The following LINGO2 variants were observed in gnomAD, a reference collection of about 807,000 sequenced individuals.
LINGO2 encodes the protein leucine-rich repeat and immunoglobulin-like domain-containing nogo receptor-interacting protein 2.
Under a neutral mutation model 30.6 loss-of-function variants are expected in LINGO2, and 14 were observed. The observed-to-expected ratio is 0.46, with a 90% CI of 0.30 to 0.72. The LOEUF (loss-of-function observed/expected upper bound fraction) is 0.72, where lower values mean the gene tolerates loss of function less well. Among genes scored for constraint, LINGO2 ranks in the 30% least tolerant of loss-of-function variants. LINGO2 has a pLI of 0.07. For missense variants in LINGO2, 729 were observed against 751.7 expected (o/e 0.97, Z 0.35); for synonymous variants, 317 against 288.5 (o/e 1.10, Z -1.00).
At chr9:28,313,830 T>C (rs1471583828) in intron 3 of LINGO2, among the ~76,000 whole-genome samples, 1 of 152,218 alleles carries the variant, frequency 6.6e-6, no homozygotes, top group Non-Finnish European at 1.5e-5. Context: ...GATGGTACTT[T>C]GTATGTGTCT....
intron 4 of LINGO2, among the ~76,000 whole-genome samples, chr9:28,191,956 T>C (rs952243597): frequency 3.9e-5 from 6 of 152,116 alleles, no homozygotes; most frequent in African/African-American, 1.2e-4. Context: ...TAAAATAACA[T>C]CTATATTCTG....
At chr9:28,858,779 G>A in the LINGO2 span, among the ~76,000 whole-genome samples, 1 of 152,090 alleles carries the variant, frequency 6.6e-6, no homozygotes, top group African/African-American at 2.4e-5. Context: ...TGAGAAGTGA[G>A]TTTCCTCACA....
At chr9:28,524,964 AC>A (rs1820960800) in intron 1 of LINGO2, among the ~76,000 whole-genome samples, 1 of 152,208 alleles carries the variant, frequency 6.6e-6, no homozygotes, top group Admixed American at 6.5e-5. Context: ...ATAAGAAAAT[AC>A]AAATCAAAAC....
chr9:29,116,976 A>G, the LINGO2 span, among the ~76,000 whole-genome samples: 1 of 152,172 alleles, frequency 6.6e-6, no homozygotes, highest in Admixed American at 6.5e-5. Context: ...TAGAAAGGAC[A>G]TGTGCTTTGG....
At chr9:28,340,294 A>G (rs1218587964) in intron 3 of LINGO2, among the ~76,000 whole-genome samples, 3 of 152,136 alleles carry the variant, frequency 2.0e-5, no homozygotes, top group Admixed American at 2.0e-4. Context: ...TTGAAGCACA[A>G]TGTCTCGTAT....
chr9:28,551,946 C>T (rs1312577181), intron 1 of LINGO2, among the ~76,000 whole-genome samples: 4 of 151,994 alleles, frequency 2.6e-5, no homozygotes, highest in Admixed American at 2.6e-4. Flanking sequence ...GACATTACTT[C>T]TACTCTTCCT....
chr9:29,105,377 C>T, the LINGO2 span, among the ~76,000 whole-genome samples: 1 of 152,114 alleles, frequency 6.6e-6, no homozygotes. Context: ...AATGTATGCT[C>T]ATGTCATAAA....
chr9:28,305,320 G>A (rs149189162), intron 3 of LINGO2, among the ~76,000 whole-genome samples: 1,591 of 152,048 alleles, frequency 0.01, 12 homozygotes, highest in Non-Finnish European at 0.017. Flanking sequence ...AAAAGGCAAG[G>A]ATGTCAGCTC....
the LINGO2 span, among the ~76,000 whole-genome samples, chr9:29,055,319 G>A: frequency 6.6e-6 from 1 of 152,106 alleles, no homozygotes; most frequent in Non-Finnish European, 1.5e-5. Context: ...ATATAAAAGA[G>A]AAATAGAAAA....
chr9:28,618,548 A>G (rs1298612809), intron 1 of LINGO2, among the ~76,000 whole-genome samples: 2 of 152,166 alleles, frequency 1.3e-5, no homozygotes, highest in Non-Finnish European at 2.9e-5. Flanking sequence ...GTGATTCTTC[A>G]TCATAAATTA....
At chr9:28,105,402 T>C (rs889089555) in intron 4 of LINGO2, among the ~76,000 whole-genome samples, 1 of 152,178 alleles carries the variant, frequency 6.6e-6, no homozygotes, top group Admixed American at 6.5e-5. Context: ...AGTGGTCTAA[T>C]GGAGTTTGCA....
chr9:28,000,603 A>C (rs1239188859), intron 5 of LINGO2, among the ~76,000 whole-genome samples: 2 of 152,216 alleles, frequency 1.3e-5, no homozygotes. Flanking sequence ...TCCTGACACC[A>C]TATTCAATCA....
chr9:28,753,120 A>G, the LINGO2 span, among the ~76,000 whole-genome samples: 1 of 151,858 alleles, frequency 6.6e-6, no homozygotes, highest in African/African-American at 2.4e-5. Context: ...CTCACACAAA[A>G]TCCCAGGTGC....
At chr9:28,942,357 G>A in the LINGO2 span, among the ~76,000 whole-genome samples, 1 of 152,174 alleles carries the variant, frequency 6.6e-6, no homozygotes, top group African/African-American at 2.4e-5. Context: ...GTGCTCAGAA[G>A]TGAGGAGAGT....
At chr9:29,160,845 A>T in the LINGO2 span, among the ~76,000 whole-genome samples, 1 of 152,228 alleles carries the variant, frequency 6.6e-6, no homozygotes, top group Admixed American at 6.5e-5. Context: ...TGCATGACTC[A>T]GTGAGTTTAA....
intron 3 of LINGO2, among the ~76,000 whole-genome samples, chr9:28,298,618 G>T (rs1587415600): frequency 1.3e-5 from 2 of 151,560 alleles, no homozygotes; most frequent in Admixed American, 6.6e-5. Flanking sequence ...GGGAGGCAGA[G>T]GTTGTGGTGA....
At chr9:29,073,298 G>A in the LINGO2 span, among the ~76,000 whole-genome samples, 9 of 152,032 alleles carry the variant, frequency 5.9e-5, no homozygotes, top group South Asian at 1.5e-3. Flanking sequence ...TAAAGACATC[G>A]TTCAGATAAT....
In LINGO2 at chr9:28,662,478, A is replaced by G. The variant is rs569236166; in HGVS notation, c.-365+7722T>C. ...ATCAAGTGATAGGAGATTTTGTAGA[A>G]AAAACCAGTGAGAGGGCGATTTTTT... On this transcript the variant is annotated intron_variant, in intron 1 of 5. Transcript: ENST00000379992. Among the ~76,000 whole-genome samples the G allele has an allele frequency of 3.1e-4, 47 of 152,312 alleles. No individual in the cohort carries two copies. In the South Asian group the frequency reaches 4.8e-3, roughly 15 times the overall value.
intron 1 of LINGO2, among the ~76,000 whole-genome samples, chr9:28,636,472 G>A (rs925102222): frequency 4.6e-5 from 7 of 151,960 alleles, no homozygotes; most frequent in African/African-American, 1.5e-4. Flanking sequence ...TCTCCACATC[G>A]TCTCCAGCAC....
Sources: gnomAD v4.1 joint callset for allele counts (sites outside exome capture counted in the v4.1 genomes callset) on GRCh38, gnomAD v4.1.1 for gene constraint, MANE v1.5 for transcripts, NCBI Gene and HGNC (gene_info 2026-07-23, HGNC 2026-07-21) for gene names.